The following DYNC1LI2 variants were observed in gnomAD, a reference collection of about 807,000 sequenced individuals.
The protein encoded by DYNC1LI2 is dynein cytoplasmic 1 light intermediate chain 2.
In DYNC1LI2, 19 loss-of-function variants were observed where a neutral mutation model predicts 57.8. That is an observed-to-expected ratio of 0.33 (90% CI 0.23 to 0.48). The LOEUF is 0.48. Ranked by LOEUF, DYNC1LI2 falls within the 20% of genes least tolerant of loss-of-function variation. The probability of loss-of-function intolerance (pLI) is 0.99; values close to 1 mark genes in which losing one functional copy is unlikely to be tolerated. For synonymous variants in DYNC1LI2, 256 were observed against 233.4 expected (o/e 1.10, Z -0.88); for missense variants, 470 against 604.2 (o/e 0.78, Z 2.33).
chr16:66,749,227 AGAGATATTCTAGGCCTC>A lies in DYNC1LI2; in HGVS notation c.251_267del (p.Arg84IlefsTer6). 6.2e-7 allele frequency: 1 copy of A among 1,609,062 alleles called. No individual in the cohort carries two copies. The highest frequency in any genetic ancestry group is 8.5e-7 in the Non-Finnish European group (1 of 1,175,320). ...CGGTCCTCATCATGGACACTGAGGT[AGAGATATTCTAGGCCTC>A]TTCCTTTTTTGCCATGCTCAGCTCC... On this transcript the variant is annotated frameshift_variant, in exon 3 of 13. Coordinates refer to ENST00000258198, the MANE Select transcript of DYNC1LI2 (RefSeq NM_006141.3). LOFTEE classifies it high-confidence loss of function.
chr16:66,748,277 C>CAAAAAAAAA (rs36186799), intron 3 of DYNC1LI2, among the ~76,000 whole-genome samples: 1 of 66,054 alleles, frequency 1.5e-5, no homozygotes, highest in Non-Finnish European at 2.9e-5. Context: ...AACCCTGTCT[C>CAAAAAAAAA]AAAAAAAAAA....
At chr16:66,733,447 A>C (rs1351157707) in intron 6 of DYNC1LI2, 2 of 152,198 alleles carry the variant, frequency 1.3e-5, no homozygotes, top group Non-Finnish European at 2.9e-5. Flanking sequence ...TCGCGCCTGT[A>C]ATCCCAGAAC....
At position 66,730,166 on chromosome 16, in the gene DYNC1LI2, G is replaced by C. The variant is rs34706526; in HGVS notation, c.987C>G (p.Thr329=). Reference sequence around the variant, plus strand: ...CTTCATATGCATCTTCCGGCTTCACGGTTGTAAAATTTTCATGTAAAATAG... The same window carrying C: ...CTTCATATGCATCTTCCGGCTTCACCGTTGTAAAATTTTCATGTAAAATAG... ...KIAILHENFT[T]VKPEDAYEDF... The change falls in exon 8 of 13, where the codon ACC becomes ACG. Residue 329 remains threonine (T), a synonymous_variant. Coordinates refer to ENST00000258198, the MANE Select transcript of DYNC1LI2 (RefSeq NM_006141.3). 16,732 of 1,613,626 alleles carry C rather than the reference G, an allele frequency of 0.01. 345 individuals carry two copies. Among genetic ancestry groups the C allele is most frequent in the Admixed American group, 0.078 (4,630 of 59,728 alleles).
In DYNC1LI2 at chr16:66,728,219, G is replaced by C; in HGVS notation, c.1125C>G (p.Ala375=). Residue 375 remains alanine (A), a synonymous_variant, in exon 10 of 13, where the codon GCC becomes GCG. Transcript: ENST00000258198. ...KQQSLLAKQP[A]TPTRASESPA... is the part of the protein sequence containing the mutation. Reference sequence around the variant, plus strand: ...TACTCACAGAAGCTCTCGTGGGAGTGGCTGGTTGCTTGGCAAGGAGTGACT... The same window carrying C: ...TACTCACAGAAGCTCTCGTGGGAGTCGCTGGTTGCTTGGCAAGGAGTGACT... 1.2e-6 allele frequency: 2 copies of C among 1,614,084 alleles called. No homozygotes were observed. The highest frequency in any genetic ancestry group is 2.2e-5 in the South Asian group (2 of 91,074).
intron 3 of DYNC1LI2, among the ~76,000 whole-genome samples, chr16:66,745,815 G>C (rs2017925528): frequency 6.6e-6 from 1 of 151,708 alleles, no homozygotes; most frequent in East Asian, 2.0e-4. Flanking sequence ...GAGGAGGGAG[G>C]ACTGCTCGAG....
At chr16:66,744,439 T>C (rs1007720508) in intron 3 of DYNC1LI2, among the ~76,000 whole-genome samples, 1 of 152,220 alleles carries the variant, frequency 6.6e-6, no homozygotes, top group African/African-American at 2.4e-5. Flanking sequence ...TGTTTTCTAC[T>C]AAAATAGATT....
intron 3 of DYNC1LI2, among the ~76,000 whole-genome samples, chr16:66,744,115 G>A (rs2017893378): frequency 2.0e-5 from 3 of 152,208 alleles, no homozygotes; most frequent in Admixed American, 2.0e-4. Flanking sequence ...ACCCAGGCTG[G>A]AGTGCAGTGG....
At chr16:66,729,493 C>G (rs1195681577) in intron 8 of DYNC1LI2, among the ~76,000 whole-genome samples, 1 of 151,544 alleles carries the variant, frequency 6.6e-6, no homozygotes, top group African/African-American at 2.4e-5. Flanking sequence ...ATTTAAAGAT[C>G]AACAAAAAGG....
chr16:66,740,798 G>A (rs1442881801), intron 4 of DYNC1LI2, among the ~76,000 whole-genome samples: 1 of 152,182 alleles, frequency 6.6e-6, no homozygotes, highest in African/African-American at 2.4e-5. Flanking sequence ...TAAGCACAAA[G>A]GAGCAAGGTC....
chr16:66,729,011 C>T (rs1382339789), intron 9 of DYNC1LI2, 29 bp downstream of exon 9: 2 of 1,613,538 alleles, frequency 1.2e-6, no homozygotes, highest in East Asian at 4.5e-5. Flanking sequence ...ATGAGAAGGC[C>T]TCTGTTCTAA....
At chr16:66,747,744 T>C (rs920428698) in intron 3 of DYNC1LI2, among the ~76,000 whole-genome samples, 6 of 151,800 alleles carry the variant, frequency 4.0e-5, no homozygotes, top group African/African-American at 1.5e-4. Context: ...TAATGTTTTG[T>C]ATTGTTAGTA....
intron 11 of DYNC1LI2, among the ~76,000 whole-genome samples, chr16:66,726,862 C>T (rs1596985467): frequency 1.3e-5 from 2 of 151,912 alleles, no homozygotes; most frequent in South Asian, 4.1e-4. Context: ...CAAACTCCTG[C>T]CCTCAAGTGA....
In DYNC1LI2 at chr16:66,751,177, C is replaced by A. The variant is rs1323272997; in HGVS notation, c.181+96G>T. 2.0e-5 allele frequency: 27 copies of A among 1,376,748 alleles called. No individual in the cohort carries two copies. In the East Asian group the frequency reaches 6.9e-4, roughly 35 times the overall value. The allele number at this position is 1,376,748 out of a possible 1,614,324, so 85.3% of individuals were successfully genotyped here. On this transcript the variant is annotated intron_variant, in intron 2 of 12. Transcript: ENST00000258198. This position sits in a 1 kb window ranked among gnomAD's most constrained non-coding sequence, Gnocchi z 5.2. ...GGTCCCTTTCCCGCCAGGCTGCGGG[C>A]AGGCGGCTGGAACGGGGAAGGCGGG...
chr16:66,735,526 A>G (rs1184368469), intron 5 of DYNC1LI2, among the ~76,000 whole-genome samples: 1 of 151,528 alleles, frequency 6.6e-6, no homozygotes, highest in East Asian at 1.9e-4. Flanking sequence ...TTATTTTTTG[A>G]GACGGAGTCT....
intron 11 of DYNC1LI2, among the ~76,000 whole-genome samples, chr16:66,726,840 C>G (rs1174259951): frequency 6.6e-6 from 1 of 152,072 alleles, no homozygotes; most frequent in Non-Finnish European, 1.5e-5. Context: ...ACCATGTTGG[C>G]CAGGCTGGTC....
In DYNC1LI2 at chr16:66,729,067, ATCT is replaced by A. The variant is rs747670694; in HGVS notation, c.1071_1073del (p.Glu357del). The A allele has an allele frequency of 3.5e-5, 56 of 1,614,190 alleles. No individual in the cohort carries two copies. Among genetic ancestry groups the A allele is most frequent in the Non-Finnish European group, 4.4e-5 (52 of 1,180,036 alleles). On this transcript the variant is annotated inframe_deletion, in exon 9 of 13. Coordinates refer to ENST00000258198, the MANE Select transcript of DYNC1LI2 (RefSeq NM_006141.3). The stretch of plus-strand genomic sequence containing the variant: ...GTTGCTTCATTAGGAACACCTGCTC[ATCT>A]TCTGCTGCCAACTCTTTGTCGTGGA...
rs183897123 is a variant in DYNC1LI2 at position 66,727,826 on chromosome 16, G to A, written c.1144-21C>T. 4 of 1,593,356 alleles carry A rather than the reference G, an allele frequency of 2.5e-6. No individual in the cohort carries two copies. In the African/African-American group the frequency reaches 5.4e-5, roughly 21 times the overall value. On this transcript the variant is annotated intron_variant, in intron 10 of 12. Transcript: ENST00000258198. ...GATTCCTAAGTCCAAAAGCAGCTAA[G>A]GTCACACACAGGCATAACAATAACA...
At position 66,732,371 on chromosome 16, in the gene DYNC1LI2, A is replaced by G; in HGVS notation, c.897T>C (p.Pro299=). 3 of 1,613,880 alleles carry G rather than the reference A, an allele frequency of 1.9e-6. No homozygotes were observed. Among genetic ancestry groups the G allele is most frequent in the Non-Finnish European group, 2.5e-6 (3 of 1,179,922 alleles). Residue 299 remains proline (P), a synonymous_variant, in exon 7 of 13, where the codon CCT becomes CCC. Coordinates refer to ENST00000258198, the MANE Select transcript of DYNC1LI2 (RefSeq NM_006141.3). ...HKTYGFHFTT[P]ALVVEKDAVF... ...CGGCATCCTTTTCCACAACTAAGGC[A>G]GGTGTGGTGAAGTGGAAACCGTATG...
chr16:66,748,039 C>A (rs563229003), intron 3 of DYNC1LI2, among the ~76,000 whole-genome samples: 5 of 151,948 alleles, frequency 3.3e-5, no homozygotes, highest in Admixed American at 6.6e-5. Flanking sequence ...GTAATCCCAG[C>A]ACTTTGAGAG....
Sources: gnomAD v4.1 joint callset for allele counts (sites outside exome capture counted in the v4.1 genomes callset) on GRCh38, gnomAD v4.1.1 for gene constraint, Gnocchi (gnomAD v3.1) non-coding constraint, MANE v1.5 for transcripts, NCBI Gene and HGNC (gene_info 2026-07-23, HGNC 2026-07-21) for gene names.